HDAC9: variants seen among roughly 807,000 people sequenced by gnomAD.
HDAC9 encodes the protein MEF-2 interacting transcription repressor (MITR) protein.
A neutral mutation model predicts 139.4 loss-of-function variants in HDAC9; 41 were observed. The observed-to-expected ratio is 0.29, with a 90% confidence interval of 0.23 to 0.38. The LOEUF (loss-of-function observed/expected upper bound fraction) is 0.38, where lower values mean the gene tolerates loss of function less well. Ranked by LOEUF, HDAC9 falls within the 10% of genes least tolerant of loss-of-function variation. The probability of loss-of-function intolerance (pLI) is 1.00; values close to 1 mark genes in which losing one functional copy is unlikely to be tolerated. For synonymous variants in HDAC9, 517 were observed against 476.2 expected, an observed-to-expected ratio of 1.09 and a Z score of -1.12; for missense variants, 1,147 against 1,297.0, an observed-to-expected ratio of 0.88 and a Z score of 1.78.
chr7:18,534,899 G>A (rs961612765), intron 2 of HDAC9, among the ~76,000 whole-genome samples: 3 of 152,092 alleles, frequency 2.0e-5, no homozygotes, highest in African/African-American at 7.2e-5. Context: ...TGGCTGTGAG[G>A]GTATGGGCAT....
At chr7:18,306,727 A>C (rs943649772) in intron 1 of HDAC9, among the ~76,000 whole-genome samples, 1 of 152,162 alleles carries the variant, frequency 6.6e-6, no homozygotes, top group African/African-American at 2.4e-5. Flanking sequence ...AACTCCTCAG[A>C]CTTTAAGATT....
chr7:18,324,755 C>T (rs994751006), intron 1 of HDAC9, among the ~76,000 whole-genome samples: 4 of 152,102 alleles, frequency 2.6e-5, no homozygotes, highest in Non-Finnish European at 5.9e-5. Flanking sequence ...AAAAGGTGAG[C>T]AAGAAATAGC....
Position 18,996,179 on chromosome 7 carries a change from A to T in HDAC9, c.*117A>T. The T allele has an allele frequency of 3.0e-6, 2 of 677,642 alleles. No individual in the cohort carries two copies. The highest frequency in any genetic ancestry group is 5.0e-6 in the Non-Finnish European group (2 of 396,180). The allele number at this position is 677,642 out of a possible 1,614,324, so 42.0% of individuals were successfully genotyped here. On this transcript the variant is annotated 3_prime_UTR_variant, in exon 26 of 26. Transcript: ENST00000686413. Reference sequence around the variant, plus strand: ...GGGTGGCACAGATTCAATGGAACATAAACACTGGGCACAAAATTCTGAACA... The same window carrying T: ...GGGTGGCACAGATTCAATGGAACATTAACACTGGGCACAAAATTCTGAACA...
At chr7:18,319,777 G>C (rs1168171007) in intron 1 of HDAC9, among the ~76,000 whole-genome samples, 1 of 152,194 alleles carries the variant, frequency 6.6e-6, no homozygotes, top group Non-Finnish European at 1.5e-5. Flanking sequence ...ATTATTGAAG[G>C]CTTTTGAAAG....
At chr7:18,870,905 C>G (rs1391694776) in intron 21 of HDAC9, among the ~76,000 whole-genome samples, 4 of 152,174 alleles carry the variant, frequency 2.6e-5, no homozygotes, top group Non-Finnish European at 4.4e-5. Context: ...TCAAGCAATT[C>G]TCCTGCCTTG....
At chr7:18,985,097 A>C (rs2129344493) in intron 25 of HDAC9, among the ~76,000 whole-genome samples, 1 of 151,866 alleles carries the variant, frequency 6.6e-6, no homozygotes, top group African/African-American at 2.4e-5. Context: ...TTATACTTTA[A>C]GTTTTAGGGT....
intron 11 of HDAC9, among the ~76,000 whole-genome samples, chr7:18,649,184 A>T (rs1788434952): frequency 6.6e-6 from 1 of 152,142 alleles, no homozygotes; most frequent in Non-Finnish European, 1.5e-5. Context: ...GAAACTTGTG[A>T]TCATTTCTTC....
intron 24 of HDAC9, among the ~76,000 whole-genome samples, chr7:18,970,705 G>A (rs576231587): frequency 2.0e-5 from 3 of 152,238 alleles, no homozygotes; most frequent in African/African-American, 7.2e-5. Flanking sequence ...AATAATTTCT[G>A]TGGTTGAAGG....
intron 2 of HDAC9, among the ~76,000 whole-genome samples, chr7:18,576,807 C>T (rs1455359321): frequency 6.6e-6 from 1 of 151,940 alleles, no homozygotes; most frequent in East Asian, 1.9e-4. Context: ...CAGTAAGAGA[C>T]AGCTAAAGAG....
chr7:18,885,852 G>A (rs879279775), intron 22 of HDAC9, among the ~76,000 whole-genome samples: 1 of 152,086 alleles, frequency 6.6e-6, no homozygotes, highest in Non-Finnish European at 1.5e-5. Flanking sequence ...TTCTCATGGA[G>A]CATTTTTCAC....
At chr7:18,584,284 A>T (rs1483195885) in intron 2 of HDAC9, among the ~76,000 whole-genome samples, 1 of 150,550 alleles carries the variant, frequency 6.6e-6, no homozygotes, top group East Asian at 2.0e-4. Flanking sequence ...ACCCGCCACC[A>T]CACCCGGCTA....
At chr7:18,857,055 C>T (rs371124519) in intron 21 of HDAC9, among the ~76,000 whole-genome samples, 1 of 152,154 alleles carries the variant, frequency 6.6e-6, no homozygotes, top group Non-Finnish European at 1.5e-5. Context: ...CAACTCTTCA[C>T]TCCCATATAT....
rs11773802 is a variant in HDAC9, at chr7:18,144,362, A to G, written c.-96-17867A>G. On this transcript the variant is annotated intron_variant, in intron 1 of 12. Transcript: ENST00000417496. ...ACTGGAACCTTCTTCTGGTCCACCA[A>G]ATCAGAAACCTTCGGGGTTATCTTG... Among the ~76,000 whole-genome samples, 1,204 of 152,234 alleles carry G rather than the reference A, an allele frequency of 7.9e-3. 11 individuals carry two copies. The highest frequency in any genetic ancestry group is 0.027 in the Middle Eastern group (8 of 294).
chr7:18,536,915 A>C (rs767699070), intron 2 of HDAC9, among the ~76,000 whole-genome samples: 8 of 152,234 alleles, frequency 5.3e-5, no homozygotes, highest in Non-Finnish European at 1.0e-4. Flanking sequence ...TTTATGAAAT[A>C]AATGCTTGCA....
At chr7:18,539,977 G>T (rs541665433) in intron 2 of HDAC9, among the ~76,000 whole-genome samples, 1 of 151,910 alleles carries the variant, frequency 6.6e-6, no homozygotes, top group South Asian at 2.1e-4. Flanking sequence ...GAAAATGTTG[G>T]CCGGGCACGG....
chr7:18,807,126 C>G (rs909186581), intron 17 of HDAC9, among the ~76,000 whole-genome samples: 1 of 152,114 alleles, frequency 6.6e-6, no homozygotes, highest in African/African-American at 2.4e-5. Context: ...ATTCAATCTC[C>G]TTGCTGTTGC....
At chr7:18,831,884 G>A (rs942155224) in intron 19 of HDAC9, among the ~76,000 whole-genome samples, 1 of 152,096 alleles carries the variant, frequency 6.6e-6, no homozygotes, top group Non-Finnish European at 1.5e-5. Context: ...AAATTACAGC[G>A]CCAATAGATG....
chr7:18,148,780 A>G (rs2128117128), intron 1 of HDAC9, among the ~76,000 whole-genome samples: 1 of 152,232 alleles, frequency 6.6e-6, no homozygotes, highest in African/African-American at 2.4e-5. Flanking sequence ...ACTTTTTAGA[A>G]TCCTTGTGAA....
At chr7:18,375,035 T>A (rs1784882411) in intron 1 of HDAC9, among the ~76,000 whole-genome samples, 1 of 152,220 alleles carries the variant, frequency 6.6e-6, no homozygotes, top group African/African-American at 2.4e-5. Context: ...GTTACTGGTT[T>A]ATGTATTTAC....
Sources: gnomAD v4.1 joint callset for allele counts (sites outside exome capture counted in the v4.1 genomes callset) on GRCh38, gnomAD v4.1.1 for gene constraint, MANE v1.5 for transcripts, NCBI Gene and HGNC (gene_info 2026-07-23, HGNC 2026-07-21) for gene names.